Variants in DOCK2 observed in about 807,000 individuals in gnomAD.
The protein encoded by DOCK2 is dedicator of cytokinesis protein 2.
DOCK2 carries 87 observed loss-of-function variants against 248.9 expected under a neutral mutation model. The ratio of observed to expected loss-of-function variants is 0.35; its 90% CI spans 0.29 to 0.42. The LOEUF is 0.42. Ranked by LOEUF, DOCK2 falls within the 10% of genes least tolerant of loss-of-function variation. The pLI, the probability that DOCK2 is intolerant of heterozygous loss-of-function variation, is 1.00. For missense variants in DOCK2, 1,747 were observed against 2,300.2 expected, an observed-to-expected ratio of 0.76 and a Z score of 4.92; for synonymous variants, 805 against 821.6, an observed-to-expected ratio of 0.98 and a Z score of 0.35.
At position 169,877,436 on chromosome 5, in the gene DOCK2, T is replaced by C. The variant is rs776767312; in HGVS notation, c.2799+36584T>C. The stretch of plus-strand genomic sequence containing the variant: ...GAGGAATTGGAGTGAAGGGGTTGGA[T>C]TGAGCAGTTGGAATCAGTAGCTTAT... On this transcript the variant is annotated intron_variant, in intron 27 of 51. Coordinates refer to ENST00000520908, the MANE Select transcript of DOCK2 (RefSeq NM_004946.3). Among the ~76,000 whole-genome samples the C allele has an allele frequency of 3.3e-5, 5 of 152,270 alleles. No individual in the cohort carries two copies. The East Asian group carries it at 7.7e-4, about 24-fold the overall frequency.
chr5:169,994,157 C>G (rs1244483385), intron 29 of DOCK2, among the ~76,000 whole-genome samples: 1 of 152,090 alleles, frequency 6.6e-6, no homozygotes, highest in Non-Finnish European at 1.5e-5. Context: ...AAAAGTTACT[C>G]AAGTATGGGT....
intron 27 of DOCK2, among the ~76,000 whole-genome samples, chr5:169,863,843 A>G (rs1771360893): frequency 6.6e-6 from 1 of 152,218 alleles, no homozygotes; most frequent in African/African-American, 2.4e-5. Flanking sequence ...CCTGCTTATA[A>G]CCTATAACCT....
chr5:170,072,563 C>G (rs1400981106), intron 46 of DOCK2, among the ~76,000 whole-genome samples: 1 of 152,172 alleles, frequency 6.6e-6, no homozygotes, highest in African/African-American at 2.4e-5. Context: ...AGTGGAATTG[C>G]TGGGCCATGC....
chr5:169,849,081 G>A (rs1770478023), intron 27 of DOCK2, among the ~76,000 whole-genome samples: 1 of 152,180 alleles, frequency 6.6e-6, no homozygotes, highest in Non-Finnish European at 1.5e-5. Flanking sequence ...GACAGTCTAG[G>A]ATACGAGGAG....
At chr5:169,975,651 T>C (rs1777690714) in intron 27 of DOCK2, among the ~76,000 whole-genome samples, 1 of 152,236 alleles carries the variant, frequency 6.6e-6, no homozygotes. Flanking sequence ...AAGAGGCCAC[T>C]ATGATCCATC....
intron 25 of DOCK2, among the ~76,000 whole-genome samples, chr5:169,787,450 T>C (rs1384638112): frequency 6.6e-6 from 1 of 152,160 alleles, no homozygotes; most frequent in Non-Finnish European, 1.5e-5. Context: ...GTCCCCCAGC[T>C]CCCACCCAAC....
rs566346769 is a variant in DOCK2, at chr5:169,698,200, C to T, written c.980-174C>T. 3.2e-4 allele frequency among the ~76,000 whole-genome samples: 48 copies of T among 152,304 alleles called. 1 individual carries two copies. The highest frequency in any genetic ancestry group is 1.4e-3 in the Admixed American group (22 of 15,296). On this transcript the variant is annotated intron_variant, in intron 10 of 51. Coordinates refer to ENST00000520908, the MANE Select transcript of DOCK2 (RefSeq NM_004946.3). ...GAGGTATTTGCCCTGGTGCTGCACG[C>T]GAGGAACCTCTGCTGTCTGAGTGTT...
At chr5:169,891,081 C>T (rs577735588) in intron 27 of DOCK2, among the ~76,000 whole-genome samples, 4 of 152,188 alleles carry the variant, frequency 2.6e-5, no homozygotes, top group Non-Finnish European at 5.9e-5. Context: ...TTCCTTGTCC[C>T]ATCTCATCTC....
rs1175666304 is a variant in DOCK2 at position 170,050,353 on chromosome 5, C to G, written c.4169C>G (p.Thr1390Ser). The G allele has an allele frequency of 1.9e-6, 3 of 1,614,186 alleles. No individual in the cohort carries two copies. Among genetic ancestry groups the G allele is most frequent in the Middle Eastern group, 1.7e-4 (1 of 6,060 alleles). ...TTCCCCAATGCAGAGAAGATGAACA[C>G]CACCTCTGCCCCGGGAGATGATGTG... is the stretch of plus-strand genomic sequence containing the variant. ...TQFPNAEKMN[T>S]TSAPGDDVKN... is the part of the protein sequence containing the mutation. Residue 1390 changes from threonine (T) to serine (S), a missense_variant, in exon 41 of 52, where the codon ACC becomes AGC. This residue lies in a region of DOCK2 where 513 missense variants were observed against 586.1 expected (regional missense o/e 0.88). Coordinates refer to ENST00000520908, the MANE Select transcript of DOCK2 (RefSeq NM_004946.3).
At chr5:169,993,737 A>C (rs535491569) in intron 29 of DOCK2, among the ~76,000 whole-genome samples, 1 of 152,346 alleles carries the variant, frequency 6.6e-6, no homozygotes, top group South Asian at 2.1e-4. Context: ...TGGCAGCTTC[A>C]GTGAGGCTTT....
chr5:169,947,218 TA>T (rs999675592), intron 27 of DOCK2, among the ~76,000 whole-genome samples: 1 of 152,264 alleles, frequency 6.6e-6, no homozygotes, highest in African/African-American at 2.4e-5. Flanking sequence ...GGGGAAGCTG[TA>T]CTCTTAACCT....
intron 45 of DOCK2, 132 bp from the exon 46 acceptor site, chr5:170,069,005 C>T (rs754787022): frequency 1.4e-6 from 1 of 736,794 alleles, no homozygotes; most frequent in Non-Finnish European, 2.3e-6. Flanking sequence ...AGACCTGTTA[C>T]TCTTGTTCCA....
intron 27 of DOCK2, among the ~76,000 whole-genome samples, chr5:169,966,750 G>A (rs980644026): frequency 6.6e-6 from 1 of 152,112 alleles, no homozygotes; most frequent in Non-Finnish European, 1.5e-5. Context: ...TACCTCCATG[G>A]AAAATGAGGC....
chr5:169,693,859 G>A (rs1196710246), intron 9 of DOCK2, among the ~76,000 whole-genome samples: 2 of 152,140 alleles, frequency 1.3e-5, no homozygotes, highest in African/African-American at 4.8e-5. Context: ...CTCCTTGTCT[G>A]GCAAACCTGT....
At chr5:169,915,438 A>T (rs563737636) in intron 27 of DOCK2, among the ~76,000 whole-genome samples, 93 of 152,284 alleles carry the variant, frequency 6.1e-4, no homozygotes, top group Non-Finnish European at 1.1e-3. Context: ...AACCAAAGAG[A>T]TTAAGTCATT....
chr5:169,945,512 C>G (rs1017134714), intron 27 of DOCK2, among the ~76,000 whole-genome samples: 7 of 152,240 alleles, frequency 4.6e-5, no homozygotes, highest in Non-Finnish European at 1.0e-4. Context: ...TTGTCTCATG[C>G]AATCTTCCCA....
At chr5:169,779,914 A>C (rs1168256017) in intron 25 of DOCK2, among the ~76,000 whole-genome samples, 2 of 151,880 alleles carry the variant, frequency 1.3e-5, no homozygotes, top group Non-Finnish European at 2.9e-5. Flanking sequence ...CCCCGTAGAG[A>C]GTGTAGGCTG....
At chr5:169,691,028 G>A (rs1292996061) in intron 9 of DOCK2, among the ~76,000 whole-genome samples, 1 of 152,184 alleles carries the variant, frequency 6.6e-6, no homozygotes, top group Non-Finnish European at 1.5e-5. Flanking sequence ...ATTGGCTCAT[G>A]GTTCTTCAGG....
intron 38 of DOCK2, among the ~76,000 whole-genome samples, chr5:170,042,692 CATGCT>C (rs1303068353): frequency 3.9e-5 from 6 of 152,348 alleles, no homozygotes; most frequent in Admixed American, 3.3e-4. Flanking sequence ...TCAGATGTCA[CATGCT>C]AGGGAGGCCT....
Sources: gnomAD v4.1 joint callset for allele counts (sites outside exome capture counted in the v4.1 genomes callset) on GRCh38, gnomAD v4.1.1 for gene constraint, gnomAD v4.1.1 regional missense constraint, MANE v1.5 for transcripts, NCBI Gene and HGNC (gene_info 2026-07-23, HGNC 2026-07-21) for gene names.